The following GPC5 variants were observed in gnomAD, a reference collection of about 807,000 sequenced individuals.
GPC5 encodes the protein glypican-5.
In GPC5, 47 loss-of-function variants were observed where a neutral mutation model predicts 53.9. The ratio of observed to expected loss-of-function variants is 0.87; its 90% CI spans 0.69 to 1.11. The LOEUF (loss-of-function observed/expected upper bound fraction) is 1.11. GPC5 is among the 50% of genes most tolerant of loss of function. The pLI is 0.00. For synonymous variants in GPC5, 286 were observed against 263.3 expected, an observed-to-expected ratio of 1.09 and a Z score of -0.84; for missense variants, 748 against 713.1, an observed-to-expected ratio of 1.05 and a Z score of -0.56.
At chr13:92,458,029 C>G (rs925294388) in intron 7 of GPC5, among the ~76,000 whole-genome samples, 1 of 152,076 alleles carries the variant, frequency 6.6e-6, no homozygotes, top group African/African-American at 2.4e-5. Context: ...CAAAGCATTT[C>G]CAAAAATTGA....
chr13:91,931,418 C>T (rs1432672829), intron 6 of GPC5, among the ~76,000 whole-genome samples: 3 of 151,948 alleles, frequency 2.0e-5, no homozygotes, highest in African/African-American at 7.2e-5. Flanking sequence ...CAGTGTGGAG[C>T]AATGAATTTC....
Position 92,464,937 on chromosome 13 carries a change from A to G in GPC5, c.1561+319948A>G, listed in dbSNP as rs148772799. Among the ~76,000 whole-genome samples, 485 of 151,978 alleles carry G rather than the reference A, an allele frequency of 3.2e-3. 5 individuals carry two copies. The highest frequency in any genetic ancestry group is 0.011 in the African/African-American group (443 of 41,550). ...TAAACAATGTATATTTAAATGTTAT[A>G]TATCTATACATATTAAAACTAAACA... On this transcript the variant is annotated intron_variant, in intron 7 of 7. Transcript: ENST00000377067.
At chr13:91,677,721 A>G (rs574409042) in intron 2 of GPC5, among the ~76,000 whole-genome samples, 303 of 152,328 alleles carry the variant, frequency 2.0e-3, no homozygotes, top group African/African-American at 7.0e-3. Flanking sequence ...AAGAAAATTC[A>G]TATTGTTTCT....
chr13:92,212,347 A>C (rs955772833), intron 7 of GPC5, among the ~76,000 whole-genome samples: 12 of 152,192 alleles, frequency 7.9e-5, no homozygotes, highest in Non-Finnish European at 1.6e-4. Context: ...GCTCTGAAGT[A>C]TGAGTATTTT....
chr13:91,560,782 A>G (rs182481200), intron 2 of GPC5, among the ~76,000 whole-genome samples: 1 of 147,702 alleles, frequency 6.8e-6, no homozygotes, highest in Admixed American at 6.8e-5. Flanking sequence ...AATTAATGTT[A>G]TAATTAAAAA....
At chr13:92,772,282 AT>A (rs1471020843) in intron 7 of GPC5, among the ~76,000 whole-genome samples, 1 of 152,076 alleles carries the variant, frequency 6.6e-6, no homozygotes. Context: ...CTACTCAGAA[AT>A]TTCCAACGTC....
chr13:92,653,811 TCTCCTCCAACTTCTGATCTG>T (rs1390996439), intron 7 of GPC5, among the ~76,000 whole-genome samples: 1 of 152,182 alleles, frequency 6.6e-6, no homozygotes, highest in East Asian at 1.9e-4. Flanking sequence ...CAGATTGATC[TCTCCTCCAACTTCTGATCTG>T]CTGTCTTTGC....
intron 7 of GPC5, among the ~76,000 whole-genome samples, chr13:92,550,172 T>C (rs1209344994): frequency 6.6e-6 from 1 of 151,936 alleles, no homozygotes; most frequent in Non-Finnish European, 1.5e-5. Flanking sequence ...TGTATATTTA[T>C]GTATTATTTG....
At chr13:92,201,797 C>T (rs574010946) in intron 7 of GPC5, among the ~76,000 whole-genome samples, 53 of 152,146 alleles carry the variant, frequency 3.5e-4, no homozygotes, top group Non-Finnish European at 5.6e-4. Context: ...GCATGTGAAA[C>T]CTTGCCAGGA....
chr13:92,406,064 T>C (rs927969074), intron 7 of GPC5, among the ~76,000 whole-genome samples: 31 of 152,200 alleles, frequency 2.0e-4, no homozygotes, highest in Admixed American at 9.2e-4. Context: ...TAAGGTCATT[T>C]TTTCTATTTA....
chr13:92,366,726 T>G (rs1209949449), intron 7 of GPC5, among the ~76,000 whole-genome samples: 3 of 152,230 alleles, frequency 2.0e-5, no homozygotes, highest in Admixed American at 6.5e-5. Context: ...TTCCTTCATA[T>G]GCCTAGTAAC....
In GPC5 at chr13:92,628,264, C is replaced by CTTTTTTTTTTTTTT. The variant is rs71123419; in HGVS notation, c.1562-238002_1562-237989dup. ...TTTTCTTTTCTTTTTCTTTTTCTTTCTTTTTTTTTTTTTTTTTTTTTTTTT... is the reference window on the plus strand; with the variant it reads ...TTTTCTTTTCTTTTTCTTTTTCTTTCTTTTTTTTTTTTTTTTTTTTTTTTTTTTTTTTTTTTTTT... On this transcript the variant is annotated intron_variant, in intron 7 of 7. Transcript: ENST00000377067. 6.7e-3 allele frequency among the ~76,000 whole-genome samples: 304 copies of CTTTTTTTTTTTTTT among 45,356 alleles called. 38 individuals are homozygous for CTTTTTTTTTTTTTT. The highest frequency in any genetic ancestry group is 7.7e-3 in the Non-Finnish European group (179 of 23,124). The allele number at this position is 45,356 out of a possible 152,430, so 29.8% of individuals were successfully genotyped here.
intron 5 of GPC5, among the ~76,000 whole-genome samples, chr13:91,862,188 G>T (rs1020917142): frequency 1.3e-5 from 2 of 152,056 alleles, no homozygotes; most frequent in African/African-American, 4.8e-5. Context: ...AAAAATTTCT[G>T]TTAGCATGTT....
chr13:92,506,217 T>A (rs985750157), intron 7 of GPC5, among the ~76,000 whole-genome samples: 2 of 152,086 alleles, frequency 1.3e-5, no homozygotes, highest in African/African-American at 4.8e-5. Context: ...AAATGCAAAA[T>A]AAAGGCTGTC....
At chr13:91,444,164 T>C (rs978490295) in intron 1 of GPC5, among the ~76,000 whole-genome samples, 1 of 152,186 alleles carries the variant, frequency 6.6e-6, no homozygotes, top group South Asian at 2.1e-4. Context: ...GTTTGTGTGA[T>C]TGGCTCTTGT....
At chr13:92,291,857 C>T (rs543538601) in intron 7 of GPC5, among the ~76,000 whole-genome samples, 2 of 152,244 alleles carry the variant, frequency 1.3e-5, no homozygotes, top group South Asian at 2.1e-4. Flanking sequence ...TAACACTCAC[C>T]ACGAAGGTCT....
rs182319600 is a variant in GPC5, at chr13:92,376,716, C to T, written c.1561+231727C>T. Among the ~76,000 whole-genome samples the T allele has an allele frequency of 1.9e-3, 286 of 152,262 alleles. 2 individuals are homozygous for T. Among genetic ancestry groups the T allele is most frequent in the African/African-American group, 6.6e-3 (274 of 41,554 alleles). ...ATTTCTGATAAACCTAGGCAAGGTACAGAAACTTCCCTGACTGGGCTGGGC... is the reference window on the plus strand; with the variant it reads ...ATTTCTGATAAACCTAGGCAAGGTATAGAAACTTCCCTGACTGGGCTGGGC... On this transcript the variant is annotated intron_variant, in intron 7 of 7. Transcript: ENST00000377067.
chr13:92,309,723 G>A (rs561907621), intron 7 of GPC5, among the ~76,000 whole-genome samples: 3 of 151,942 alleles, frequency 2.0e-5, no homozygotes, highest in Non-Finnish European at 4.4e-5. Flanking sequence ...TATCTCACAT[G>A]TTTATCTTTA....
intron 6 of GPC5, among the ~76,000 whole-genome samples, chr13:92,010,836 A>C (rs1296140380): frequency 6.6e-6 from 1 of 152,182 alleles, no homozygotes; most frequent in Admixed American, 6.5e-5. Context: ...CAGCTTTCGG[A>C]ATTGTGATAA....
Sources: allele counts gnomAD v4.1 joint callset (sites outside exome capture counted in the v4.1 genomes callset), GRCh38; gene constraint gnomAD v4.1.1; transcripts MANE v1.5; gene names NCBI Gene and HGNC (gene_info 2026-07-23, HGNC 2026-07-21).